CHD1: variants seen among roughly 807,000 people sequenced by gnomAD.
The protein encoded by CHD1 is ATP-dependent chromatin remodeler CHD1.
CHD1 carries 36 observed loss-of-function variants against 224.2 expected under a neutral mutation model. The observed-to-expected ratio is 0.16, with a 90% CI of 0.12 to 0.21. CHD1 has a LOEUF of 0.21. Ranked by LOEUF, CHD1 falls within the 10% of genes least tolerant of loss-of-function variation. The probability of loss-of-function intolerance (pLI) is 1.00; values close to 1 mark genes in which losing one functional copy is unlikely to be tolerated. For synonymous variants in CHD1, 668 were observed against 658.3 expected (o/e 1.01, Z -0.23); for missense variants, 1,378 against 1,994.8 (o/e 0.69, Z 5.89).
intron 2 of CHD1, among the ~76,000 whole-genome samples, chr5:98,909,120 T>C (rs1752228834): frequency 6.6e-6 from 1 of 152,140 alleles, no homozygotes; most frequent in Non-Finnish European, 1.5e-5. Context: ...AAAAGATCAC[T>C]TCGTTAATAT....
At chr5:98,927,678 TA>T (rs1288110986) in intron 1 of CHD1, among the ~76,000 whole-genome samples, 1 of 152,222 alleles carries the variant, frequency 6.6e-6, no homozygotes, top group Admixed American at 6.5e-5. Flanking sequence ...AATTAAGTCT[TA>T]AAAAATCTAA....
chr5:98,856,859 AACTT>A lies in CHD1; in HGVS notation c.4788-138_4788-135del, dbSNP rs148780734. The A allele has an allele frequency of 4.3e-3, 2,746 of 636,144 alleles. 54 individuals carry two copies. In the African/African-American group the frequency reaches 0.046, roughly 11 times the overall value. The allele number at this position is 636,144 out of a possible 1,614,324, so 39.4% of individuals were successfully genotyped here. A position where few individuals can be genotyped will look rare whatever the true frequency, so the allele number is the denominator to read the frequency against. ...ATAGAAATTCAGTGTTGCATTATAAAACTTACTTAATTAACTCAAAAATCACTGG... is the reference window on the plus strand; with the variant it reads ...ATAGAAATTCAGTGTTGCATTATAAAACTTAATTAACTCAAAAATCACTGG... On this transcript the variant is annotated intron_variant, in intron 35 of 35. Transcript: ENST00000614616.
chr5:98,862,691 C>T (rs1748569561), intron 32 of CHD1, among the ~76,000 whole-genome samples: 1 of 152,054 alleles, frequency 6.6e-6, no homozygotes, highest in African/African-American at 2.4e-5. Context: ...ACTCTTTGAA[C>T]CTCAAAAATC....
chr5:98,891,721 G>A, intron 15 of CHD1, among the ~76,000 whole-genome samples: 1 of 152,152 alleles, frequency 6.6e-6, no homozygotes, highest in East Asian at 1.9e-4. Flanking sequence ...TGAGGCACCA[G>A]AATCATTTGA....
intron 15 of CHD1, among the ~76,000 whole-genome samples, 165 bp downstream of exon 15, chr5:98,892,360 C>G (rs1479013315): frequency 6.6e-6 from 1 of 152,146 alleles, no homozygotes; most frequent in Non-Finnish European, 1.5e-5. Flanking sequence ...GTCATTAAAT[C>G]TCCTTTTGCC....
chr5:98,869,607 T>TGCGCACGTGCGC (rs1749161687), intron 30 of CHD1, 147 bp downstream of exon 30: 1 of 743,332 alleles, frequency 1.3e-6, no homozygotes. Flanking sequence ...TATAAGTGCG[T>TGCGCACGTGCGC]GCGCACGTGC....
At chr5:98,884,498 G>T (rs949737473) in intron 18 of CHD1, among the ~76,000 whole-genome samples, 2 of 150,158 alleles carry the variant, frequency 1.3e-5, no homozygotes, top group Non-Finnish European at 2.9e-5. Flanking sequence ...AGGACTCTGG[G>T]GACTCAGAGG....
chr5:98,928,353 C>T (rs1239318303), intron 1 of CHD1, among the ~76,000 whole-genome samples, 186 bp downstream of exon 1: 1 of 152,086 alleles, frequency 6.6e-6, no homozygotes, highest in Non-Finnish European at 1.5e-5. Flanking sequence ...CGGCCCCGGC[C>T]TGTACTCGCC....
intron 17 of CHD1, among the ~76,000 whole-genome samples, chr5:98,887,020 A>G (rs1415935334): frequency 2.0e-5 from 3 of 152,162 alleles, no homozygotes; most frequent in Non-Finnish European, 4.4e-5. Context: ...GACAAGAGGA[A>G]TAGCTAAAGG....
intron 13 of CHD1, 110 bp from the exon 14 acceptor site, chr5:98,893,716 T>A: frequency 1.5e-6 from 1 of 684,316 alleles, no homozygotes; most frequent in South Asian, 2.1e-5. Flanking sequence ...AAAAACAAAC[T>A]TTGTCTAATT....
At chr5:98,920,054 C>T (rs563519962) in intron 2 of CHD1, among the ~76,000 whole-genome samples, 3 of 151,894 alleles carry the variant, frequency 2.0e-5, no homozygotes, top group Admixed American at 6.6e-5. Flanking sequence ...ACAAAAAAGT[C>T]AACTATTATA....
intron 28 of CHD1, among the ~76,000 whole-genome samples, chr5:98,871,362 T>G (rs1749317921): frequency 8.6e-6 from 1 of 115,960 alleles, no homozygotes; most frequent in Non-Finnish European, 1.7e-5. Context: ...GTGTTTCCCA[T>G]TTTAGGCAAA....
chr5:98,874,525 C>T (rs1438588061), intron 25 of CHD1, among the ~76,000 whole-genome samples: 2 of 131,792 alleles, frequency 1.5e-5, no homozygotes, highest in Non-Finnish European at 3.1e-5. Flanking sequence ...TATGGTGAAA[C>T]CCCGTCTCTA....
intron 2 of CHD1, among the ~76,000 whole-genome samples, chr5:98,922,750 A>G (rs1753186265): frequency 6.6e-6 from 1 of 152,186 alleles, no homozygotes; most frequent in Non-Finnish European, 1.5e-5. Context: ...GTGCTTTGGG[A>G]GGCCAAGGCG....
At position 98,855,723 on chromosome 5, in the gene CHD1, A is replaced by C. The variant is rs2112432471; in HGVS notation, c.*657T>G. ...TTGGTAGGGAAAGGAACAGTCAAAA[A>C]AAGCCTGAGAAAGGGAAGGAAGTAA... is the stretch of plus-strand genomic sequence containing the variant. On this transcript the variant is annotated 3_prime_UTR_variant, in exon 36 of 36. Coordinates refer to ENST00000614616, the MANE Select transcript of CHD1 (RefSeq NM_001270.4). 1 of 151,950 alleles carries C rather than the reference A, an allele frequency of 6.6e-6. No homozygotes were observed. The highest frequency in any genetic ancestry group is 1.9e-4 in the East Asian group (1 of 5,192). 9.4% of individuals were successfully genotyped at this position (151,950 alleles called of 1,614,324 possible).
chr5:98,893,714 AC>A (rs1751168138), intron 13 of CHD1, 108 bp from the exon 14 acceptor site: 2 of 705,566 alleles, frequency 2.8e-6, no homozygotes, highest in South Asian at 4.0e-5. Flanking sequence ...TTAAAAACAA[AC>A]TTTGTCTAAT....
At chr5:98,918,248 C>A (rs1367260305) in intron 2 of CHD1, among the ~76,000 whole-genome samples, 1 of 151,188 alleles carries the variant, frequency 6.6e-6, no homozygotes, top group Non-Finnish European at 1.5e-5. Context: ...TTAGTAGAGA[C>A]GGGGTTTTCA....
intron 17 of CHD1, among the ~76,000 whole-genome samples, chr5:98,887,115 T>C (rs534093493): frequency 6.6e-6 from 1 of 152,272 alleles, no homozygotes; most frequent in African/African-American, 2.4e-5. Flanking sequence ...AACCACTGAA[T>C]TGTATACTTT....
chr5:98,885,558 T>G lies in CHD1; in HGVS notation c.2568+20A>C, dbSNP rs1294381407. On this transcript the variant is annotated intron_variant, in intron 18 of 35. Transcript: ENST00000614616. ...TACTAAATCAAAATTATTTATAATT[T>G]TAAAAGCACTAATACATACCTCTGA... 6.9e-7 allele frequency: 1 copy of G among 1,448,594 alleles called. No individual in the cohort carries two copies. Among genetic ancestry groups the G allele is most frequent in the East Asian group, 2.3e-5 (1 of 43,810 alleles). 89.7% of individuals were successfully genotyped at this position (1,448,594 alleles called of 1,614,324 possible).
Sources: allele counts gnomAD v4.1 joint callset (sites outside exome capture counted in the v4.1 genomes callset), GRCh38; gene constraint gnomAD v4.1.1; transcripts MANE v1.5; gene names NCBI Gene and HGNC (gene_info 2026-07-23, HGNC 2026-07-21).